DIP2B: variants seen among roughly 807,000 people sequenced by gnomAD.
DIP2B encodes DIP2 acetate--CoA ligase B (putative).
A neutral mutation model predicts 198.0 loss-of-function variants in DIP2B; 76 were observed. The ratio of observed to expected loss-of-function variants is 0.38; its 90% CI spans 0.32 to 0.46. The LOEUF is 0.46. DIP2B is among the 20% of genes least tolerant of loss of function. The probability of loss-of-function intolerance (pLI) is 0.99; values close to 1 mark genes in which losing one functional copy is unlikely to be tolerated. For synonymous variants in DIP2B, 701 were observed against 739.1 expected, an observed-to-expected ratio of 0.95 and a Z score of 0.84; for missense variants, 1,559 against 1,978.4, an observed-to-expected ratio of 0.79 and a Z score of 4.02.
chr12:50,610,994 T>A (rs1168520629), intron 1 of DIP2B, among the ~76,000 whole-genome samples: 1 of 152,070 alleles, frequency 6.6e-6, no homozygotes, highest in Admixed American at 6.6e-5. Context: ...AGAGATGGGT[T>A]CCACCATCTT....
At chr12:50,563,426 A>G (rs999616982) in intron 1 of DIP2B, among the ~76,000 whole-genome samples, 2 of 150,210 alleles carry the variant, frequency 1.3e-5, no homozygotes, top group African/African-American at 4.9e-5. Flanking sequence ...GACTCAAGCA[A>G]TCTGCCTGCC....
At chr12:50,648,387 G>T (rs190192326) in intron 3 of DIP2B, among the ~76,000 whole-genome samples, 1 of 151,574 alleles carries the variant, frequency 6.6e-6, no homozygotes, top group Non-Finnish European at 1.5e-5. Flanking sequence ...TTTTTGAGAC[G>T]GAGTCTCGCT....
intron 1 of DIP2B, among the ~76,000 whole-genome samples, chr12:50,509,367 A>G (rs1249707698): frequency 1.3e-5 from 2 of 152,204 alleles, no homozygotes; most frequent in Admixed American, 6.5e-5. Flanking sequence ...GAATGTTCCT[A>G]TACTTCTGTG....
intron 1 of DIP2B, among the ~76,000 whole-genome samples, chr12:50,575,740 A>T (rs1656210965): frequency 1.3e-5 from 2 of 151,584 alleles, no homozygotes; most frequent in South Asian, 4.2e-4. Context: ...ACTGGGTCAA[A>T]TCCAGCCAGG....
At chr12:50,555,061 C>A (rs957736911) in intron 1 of DIP2B, among the ~76,000 whole-genome samples, 2 of 152,190 alleles carry the variant, frequency 1.3e-5, no homozygotes, top group African/African-American at 4.8e-5. Flanking sequence ...AGCCACCGCG[C>A]CTGGCTGACA....
chr12:50,742,394 C>CA (rs59566626), intron 37 of DIP2B, among the ~76,000 whole-genome samples: 576 of 47,448 alleles, frequency 0.012, 73 homozygotes, highest in East Asian at 0.088. Flanking sequence ...GAGACTGTCT[C>CA]AAAAAAAAAA....
At chr12:50,542,183 G>A (rs1357731143) in intron 1 of DIP2B, among the ~76,000 whole-genome samples, 1 of 148,828 alleles carries the variant, frequency 6.7e-6, no homozygotes. Context: ...GGGAGGCAGA[G>A]CTTGCAGTGA....
At chr12:50,716,974 T>TTTTTA in intron 23 of DIP2B, among the ~76,000 whole-genome samples, 1 of 137,342 alleles carries the variant, frequency 7.3e-6, no homozygotes, top group Non-Finnish European at 1.6e-5. Context: ...TTTTTTTTTT[T>TTTTTA]TTTTTTTGAG....
chr12:50,626,130 G>T, intron 2 of DIP2B, 83 bp downstream of exon 2: 1 of 1,434,706 alleles, frequency 7.0e-7, no homozygotes, highest in Non-Finnish European at 9.7e-7. Context: ...TCTTTTGTTT[G>T]TTCCTGTTTT....
intron 1 of DIP2B, among the ~76,000 whole-genome samples, chr12:50,560,210 C>T (rs1194701887): frequency 6.6e-6 from 1 of 151,470 alleles, no homozygotes; most frequent in Non-Finnish European, 1.5e-5. Flanking sequence ...TTGGCTAATA[C>T]AGTGAAACCC....
intron 14 of DIP2B, among the ~76,000 whole-genome samples, chr12:50,693,980 C>T (rs997961384): frequency 1.3e-5 from 2 of 152,058 alleles, no homozygotes; most frequent in Non-Finnish European, 2.9e-5. Flanking sequence ...ATTAGAGTGG[C>T]AGGAGAGACC....
At chr12:50,632,478 CAAAAAAA>C (rs756895459) in intron 2 of DIP2B, among the ~76,000 whole-genome samples, 1 of 74,630 alleles carries the variant, frequency 1.3e-5, no homozygotes, top group Non-Finnish European at 2.6e-5. Context: ...GACTCTGTCT[CAAAAAAA>C]AAAAAAAAAA....
intron 1 of DIP2B, among the ~76,000 whole-genome samples, chr12:50,576,368 T>C (rs1407034791): frequency 1.3e-5 from 2 of 149,892 alleles, no homozygotes; most frequent in Non-Finnish European, 3.0e-5. Flanking sequence ...CACCCAGCAT[T>C]TTTTTTTTTT....
intron 1 of DIP2B, among the ~76,000 whole-genome samples, chr12:50,560,266 G>A (rs936575771): frequency 6.6e-6 from 1 of 152,002 alleles, no homozygotes; most frequent in African/African-American, 2.4e-5. Flanking sequence ...GTGGTGGCAT[G>A]CACCTGAAGT....
rs544749555 is a variant in DIP2B at position 50,724,640 on chromosome 12, G to A, written c.3289-135G>A. 120 of 667,894 alleles carry A rather than the reference G, an allele frequency of 1.8e-4. No individual in the cohort carries two copies. In the African/African-American group the frequency reaches 1.8e-3, roughly 10 times the overall value. The allele number at this position is 667,894 out of a possible 1,614,324, so 41.4% of individuals were successfully genotyped here. The stretch of plus-strand genomic sequence containing the variant: ...CATGCAAGGGAGTAACACTGACCTC[G>A]TCTGTCTCACATGTGTTCTTTGAAA... On this transcript the variant is annotated intron_variant, in intron 27 of 37. Transcript: ENST00000301180.
chr12:50,614,604 C>T (rs1046249602), intron 1 of DIP2B, among the ~76,000 whole-genome samples: 3 of 152,174 alleles, frequency 2.0e-5, no homozygotes, highest in Admixed American at 1.3e-4. Flanking sequence ...TCTTAGAGCC[C>T]ATGAGATCCT....
At position 50,699,538 on chromosome 12, in the gene DIP2B, T is replaced by G. The variant is rs115037364; in HGVS notation, c.2325+336T>G. 1.4e-3 allele frequency among the ~76,000 whole-genome samples: 220 copies of G among 152,282 alleles called. 2 individuals carry two copies. The highest frequency in any genetic ancestry group is 4.6e-3 in the African/African-American group (191 of 41,552). Reference sequence around the variant, plus strand: ...GAAGTGCTGTTGTGTATCTGTTAGATTTTTTAAAAGGGTAAGATGAGCTGG... The same window carrying G: ...GAAGTGCTGTTGTGTATCTGTTAGAGTTTTTAAAAGGGTAAGATGAGCTGG... On this transcript the variant is annotated intron_variant, in intron 19 of 37. Coordinates refer to ENST00000301180, the MANE Select transcript of DIP2B (RefSeq NM_173602.3).
chr12:50,698,338 C>T lies in DIP2B; in HGVS notation c.2059C>T (p.Pro687Ser), dbSNP rs2139557875. Reference sequence around the variant, plus strand: ...GGTTCTTCTTTTCAGGCCTGGAGTTCCAGGAGCCCCTTTGCCAGGAAGAGC... The same window carrying T: ...GGTTCTTCTTTTCAGGCCTGGAGTTTCAGGAGCCCCTTTGCCAGGAAGAGC... ...MTVAIRRPGVPGAPLPGRAIL... is the reference protein window; with the variant it reads ...MTVAIRRPGVSGAPLPGRAIL... Residue 687 changes from proline (P) to serine (S), a missense_variant, in exon 18 of 38, where the codon CCA (proline) becomes TCA (serine). Physicochemically the swap from Pro to Ser is moderately conservative, Grantham distance 74. Transcript: ENST00000301180. 1 of 1,612,530 alleles carries T rather than the reference C, an allele frequency of 6.2e-7. No individual in the cohort carries two copies. The highest frequency in any genetic ancestry group is 8.5e-7 in the Non-Finnish European group (1 of 1,179,252).
At chr12:50,512,330 C>T (rs1228316027) in intron 1 of DIP2B, among the ~76,000 whole-genome samples, 2 of 152,056 alleles carry the variant, frequency 1.3e-5, no homozygotes, top group Non-Finnish European at 2.9e-5. Context: ...TGCTCTCAAA[C>T]TCCTGACCTC....
Sources: allele counts gnomAD v4.1 joint callset (sites outside exome capture counted in the v4.1 genomes callset), GRCh38; gene constraint gnomAD v4.1.1; transcripts MANE v1.5; gene names NCBI Gene and HGNC (gene_info 2026-07-23, HGNC 2026-07-21).